The following EML6 variants were observed in gnomAD, a reference collection of about 807,000 sequenced individuals.
EML6 encodes EMAP like 6.
EML6 carries 154 observed loss-of-function variants against 240.1 expected under a neutral mutation model. The ratio of observed to expected loss-of-function variants is 0.64; its 90% confidence interval spans 0.56 to 0.73. EML6 has a LOEUF of 0.73. EML6 is among the 30% of genes least tolerant of loss of function. The pLI is 0.00. For missense variants in EML6, 2,964 were observed against 2,474.6 expected, an observed-to-expected ratio of 1.20 and a Z score of -4.20; for synonymous variants, 1,148 against 899.0, an observed-to-expected ratio of 1.28 and a Z score of -4.95.
rs1359310387 is a variant in EML6 at position 54,957,812 on chromosome 2, G to T, written c.4509G>T (p.Gly1503=). The T allele has an allele frequency of 2.6e-6, 4 of 1,549,978 alleles. No homozygotes were observed. Among genetic ancestry groups the T allele is most frequent in the African/African-American group, 2.7e-5 (2 of 73,102 alleles). ...WQEGAKVASR[G]GHLERIFVVE... ...CAGGTGCCAAGGTTGCCAGCCGAGG[G>T]GGTCACCTGGAGCGCATATTTGTGG... The change falls in exon 33 of 42, where the codon GGG becomes GGT. Residue 1503 remains glycine (G), a synonymous_variant. Transcript: ENST00000356458.
chr2:54,884,421 C>T (rs574387528), intron 17 of EML6, among the ~76,000 whole-genome samples: 2 of 152,126 alleles, frequency 1.3e-5, no homozygotes, highest in Non-Finnish European at 2.9e-5. Flanking sequence ...TACCAACTGG[C>T]GATGGGTGAG....
chr2:54,859,248 A>G (rs1240326364), intron 11 of EML6, among the ~76,000 whole-genome samples: 1 of 152,136 alleles, frequency 6.6e-6, no homozygotes, highest in Non-Finnish European at 1.5e-5. Flanking sequence ...ATTCTCTGTC[A>G]TTTATTTTCA....
At chr2:54,920,284 A>G (rs761725555) in intron 26 of EML6, among the ~76,000 whole-genome samples, 5 of 152,164 alleles carry the variant, frequency 3.3e-5, no homozygotes, top group African/African-American at 4.8e-5. Flanking sequence ...TAGCTAGACT[A>G]GCCAAAAAAA....
intron 17 of EML6, among the ~76,000 whole-genome samples, chr2:54,884,583 G>C (rs909850856): frequency 2.0e-5 from 3 of 152,180 alleles, no homozygotes; most frequent in Admixed American, 6.5e-5. Flanking sequence ...CATACAAGAA[G>C]ACCTCCATGG....
chr2:54,924,406 C>T (rs4671996), intron 26 of EML6, among the ~76,000 whole-genome samples: 138,002 of 152,098 alleles, frequency 0.91, 62,600 homozygotes, highest in South Asian at 0.91. Flanking sequence ...TACAAATCTT[C>T]TGTCCATTGT....
rs187769505 is a variant in EML6 at position 54,728,340 on chromosome 2, T to C, written c.197+3082T>C. On this transcript the variant is annotated intron_variant, in intron 2 of 41. Coordinates refer to ENST00000356458, the MANE Select transcript of EML6 (RefSeq NM_001039753.4). ...TTCATCCTCTGTTACTTCCCTTCCA[T>C]TTTCACAGTGATTCCAGTTGAGACA... Among the ~76,000 whole-genome samples, 394 of 152,310 alleles carry C rather than the reference T, an allele frequency of 2.6e-3. 3 individuals are homozygous for C. Among genetic ancestry groups the C allele is most frequent in the African/African-American group, 9.0e-3 (376 of 41,576 alleles).
chr2:54,933,426 G>T (rs768093449), intron 28 of EML6, among the ~76,000 whole-genome samples: 1 of 151,948 alleles, frequency 6.6e-6, no homozygotes, highest in Non-Finnish European at 1.5e-5. Flanking sequence ...TCTTAAAATG[G>T]CCCCATTTAA....
chr2:54,795,050 GT>G (rs370790449), intron 2 of EML6, among the ~76,000 whole-genome samples: 6 of 152,144 alleles, frequency 3.9e-5, no homozygotes, highest in Admixed American at 2.0e-4. Flanking sequence ...ATTTATTCGT[GT>G]TTTTTTGTTT....
In EML6 at chr2:54,965,141, G is replaced by C. The variant is rs147175250; in HGVS notation, c.5493+408G>C. Among the ~76,000 whole-genome samples the C allele has an allele frequency of 2.5e-3, 386 of 152,272 alleles. 2 individuals carry two copies. The highest frequency in any genetic ancestry group is 8.9e-3 in the African/African-American group (371 of 41,544). On this transcript the variant is annotated intron_variant, in intron 38 of 41. Transcript: ENST00000356458. ...CTCCATACGTGGGCCCTGGACTCCA[G>C]CCAGTGGGCCTGGAGTGAAAGCTCA...
intron 11 of EML6, among the ~76,000 whole-genome samples, chr2:54,855,599 T>C (rs1346399106): frequency 1.3e-5 from 2 of 151,946 alleles, no homozygotes; most frequent in Non-Finnish European, 2.9e-5. Context: ...CTTTGGATAA[T>C]GGCACACAGA....
In EML6 at chr2:54,964,587, C is replaced by T; in HGVS notation, c.5347C>T (p.Arg1783Ter). 5 of 1,552,352 alleles carry T rather than the reference C, an allele frequency of 3.2e-6. No homozygotes were observed. The highest frequency in any genetic ancestry group is 2.0e-5 in the Admixed American group (1 of 51,004). Residue 1783 changes from arginine to a stop codon, truncating the protein, a stop_gained, in exon 38 of 42, where the codon CGA (arginine) becomes TGA (stop). Transcript: ENST00000356458. LOFTEE classifies it high-confidence loss of function. ...TTTTTCTAGAATCAGCCCAGACAACCGATTCTTAGCCGTTGGTTCTTCTGA... is the reference window on the plus strand; with the variant it reads ...TTTTTCTAGAATCAGCCCAGACAACTGATTCTTAGCCGTTGGTTCTTCTGA... Reference protein sequence around the residue: ...IQDIRISPDNRFLAVGSSEHT... With the variant: ...IQDIRISPDN
intron 28 of EML6, among the ~76,000 whole-genome samples, chr2:54,932,876 A>G (rs1445004479): frequency 1.3e-5 from 2 of 152,180 alleles, no homozygotes; most frequent in Admixed American, 1.3e-4. Flanking sequence ...CCTAGCTTAC[A>G]TACTGTTTTT....
chr2:54,966,120 A>C (rs1236929355), intron 38 of EML6, among the ~76,000 whole-genome samples: 1 of 152,252 alleles, frequency 6.6e-6, no homozygotes, highest in Non-Finnish European at 1.5e-5. Flanking sequence ...CAGAGAAGAC[A>C]AGCACTAAAC....
chr2:54,730,329 G>T (rs1340664351), intron 2 of EML6, among the ~76,000 whole-genome samples: 1 of 152,132 alleles, frequency 6.6e-6, no homozygotes, highest in African/African-American at 2.4e-5. Context: ...AGGTCTAACA[G>T]CCATGATTGG....
chr2:54,836,391 A>G (rs897270017), intron 7 of EML6, among the ~76,000 whole-genome samples: 1 of 152,052 alleles, frequency 6.6e-6, no homozygotes, highest in Non-Finnish European at 1.5e-5. Flanking sequence ...AGAATTTTGG[A>G]TCCTGCGGAG....
At chr2:54,965,649 T>A (rs1676715933) in intron 38 of EML6, among the ~76,000 whole-genome samples, 1 of 152,100 alleles carries the variant, frequency 6.6e-6, no homozygotes, top group Non-Finnish European at 1.5e-5. Context: ...GAGTTGAAGC[T>A]GTCTTCCTGC....
At chr2:54,847,345 C>G in intron 8 of EML6, 141 bp from the exon 9 acceptor site, 1 of 746,830 alleles carries the variant, frequency 1.3e-6, no homozygotes, top group Non-Finnish European at 2.1e-6. Context: ...CGCTGACAGG[C>G]CATGATAAAG....
intron 17 of EML6, chr2:54,882,006 G>A (rs36126551): frequency 0.19 from 28,416 of 152,106 alleles, 2,765 homozygotes; most frequent in South Asian, 0.26. Flanking sequence ...CTGTGCTGAC[G>A]TGTGCCAGCT....
intron 2 of EML6, among the ~76,000 whole-genome samples, chr2:54,783,283 TGG>T (rs1421674672): frequency 2.0e-5 from 3 of 152,216 alleles, no homozygotes; most frequent in Non-Finnish European, 4.4e-5. Context: ...TTTATTGTTC[TGG>T]ATATAACTAT....
Sources: gnomAD v4.1 joint callset for allele counts (sites outside exome capture counted in the v4.1 genomes callset) on GRCh38, gnomAD v4.1.1 for gene constraint, MANE v1.5 for transcripts, NCBI Gene and HGNC (gene_info 2026-07-23, HGNC 2026-07-21) for gene names.